Variants in USP46 observed in about 807,000 individuals in gnomAD.
USP46 encodes the protein ubiquitin carboxyl-terminal hydrolase 46.
A neutral mutation model predicts 44.4 loss-of-function variants in USP46; 12 were observed. The ratio of observed to expected loss-of-function variants is 0.27; its 90% CI spans 0.17 to 0.44. The LOEUF is 0.44. Ranked by LOEUF, USP46 falls within the 20% of genes least tolerant of loss-of-function variation. The pLI is 1.00. For missense variants in USP46, 248 were observed against 444.8 expected (o/e 0.56, Z 3.98); for synonymous variants, 155 against 161.5 (o/e 0.96, Z 0.31).
Position 52,621,034 on chromosome 4 carries a change from T to A in USP46, c.561+4984A>T, listed in dbSNP as rs549637790. ...AACACAAAGGATACATATTTATATGTATCAAAATATCAAAAACAAGCCAAA... is the reference window on the plus strand; with the variant it reads ...AACACAAAGGATACATATTTATATGAATCAAAATATCAAAAACAAGCCAAA... On this transcript the variant is annotated intron_variant, in intron 4 of 8. Coordinates refer to ENST00000441222, the MANE Select transcript of USP46 (RefSeq NM_022832.4). Among the ~76,000 whole-genome samples the A allele has an allele frequency of 4.6e-5, 7 of 152,320 alleles. No individual in the cohort carries two copies. In the South Asian group the frequency reaches 1.4e-3, roughly 32 times the overall value.
rs199503206 is a variant in USP46, at chr4:52,645,982, T to C, written c.36+13133A>G. On this transcript the variant is annotated intron_variant, in intron 1 of 8. Coordinates refer to ENST00000441222, the MANE Select transcript of USP46 (RefSeq NM_022832.4). ...TTCCCTACACCTTCTGCCATGATTT[T>C]AAGTTTCCTGAAGCCTCCCAGTCAT... 6.7e-3 allele frequency among the ~76,000 whole-genome samples: 1,028 copies of C among 152,310 alleles called. 8 individuals are homozygous for C. The highest frequency in any genetic ancestry group is 0.05 in the East Asian group (261 of 5,186).
In USP46 at chr4:52,638,228, C is replaced by T. The variant is rs563293724; in HGVS notation, c.37-7084G>A. Among the ~76,000 whole-genome samples, 23 of 152,160 alleles carry T rather than the reference C, an allele frequency of 1.5e-4. 1 individual carries two copies. In the South Asian group the frequency reaches 2.9e-3, roughly 19 times the overall value. On this transcript the variant is annotated intron_variant, in intron 1 of 8. Transcript: ENST00000441222. ...GAGGCAAGAAGGTCAGAATCAGTGACGGGACGTGACAACAGATGTAGAGGT... is the reference window on the plus strand; with the variant it reads ...GAGGCAAGAAGGTCAGAATCAGTGATGGGACGTGACAACAGATGTAGAGGT...
At chr4:52,617,018 A>G (rs908388728) in intron 4 of USP46, among the ~76,000 whole-genome samples, 9 of 152,222 alleles carry the variant, frequency 5.9e-5, no homozygotes, top group Non-Finnish European at 7.3e-5. Context: ...TATGCTAGTA[A>G]ACAAAAGGGA....
chr4:52,617,705 G>A (rs1717211862), intron 4 of USP46, among the ~76,000 whole-genome samples: 1 of 152,138 alleles, frequency 6.6e-6, no homozygotes, highest in African/African-American at 2.4e-5. Flanking sequence ...GTGTTGGTTT[G>A]GGGGTTCTGT....
At chr4:52,635,224 C>A (rs992475595) in intron 1 of USP46, among the ~76,000 whole-genome samples, 1 of 152,236 alleles carries the variant, frequency 6.6e-6, no homozygotes, top group Middle Eastern at 3.4e-3. Context: ...ATATGGATAA[C>A]GGATCCAGCT....
intron 3 of USP46, among the ~76,000 whole-genome samples, chr4:52,627,483 C>T (rs1442831010): frequency 6.6e-6 from 1 of 152,186 alleles, no homozygotes; most frequent in East Asian, 1.9e-4. Flanking sequence ...AATTTGATAT[C>T]CTTCAATTAC....
intron 1 of USP46, among the ~76,000 whole-genome samples, chr4:52,658,544 A>C (rs1212882504): frequency 1.3e-5 from 2 of 152,208 alleles, no homozygotes; most frequent in Non-Finnish European, 2.9e-5. Context: ...ATGCGGAGCA[A>C]ATTACGGTGC....
chr4:52,636,281 A>G (rs1447332087), intron 1 of USP46, among the ~76,000 whole-genome samples: 1 of 152,128 alleles, frequency 6.6e-6, no homozygotes, highest in Non-Finnish European at 1.5e-5. Context: ...GGAAACCAGG[A>G]AAGGCAAGGA....
chr4:52,632,990 A>AAAGAAAAGAAAAGAAAGAAAG, intron 1 of USP46, among the ~76,000 whole-genome samples: 56 of 66,150 alleles, frequency 8.5e-4, no homozygotes, highest in Admixed American at 1.1e-3. Flanking sequence ...GAAAGAAAAG[A>AAAGAAAAGAAAAGAAAGAAAG]AAAGAAAGAA....
At chr4:52,622,381 A>T (rs1717412905) in intron 4 of USP46, among the ~76,000 whole-genome samples, 2 of 152,236 alleles carry the variant, frequency 1.3e-5, no homozygotes, top group African/African-American at 4.8e-5. Flanking sequence ...TTCAAGACTT[A>T]CCAGTCTAGA....
At chr4:52,637,303 C>T (rs995669979) in intron 1 of USP46, among the ~76,000 whole-genome samples, 5 of 152,146 alleles carry the variant, frequency 3.3e-5, no homozygotes, top group African/African-American at 1.2e-4. Flanking sequence ...CAGGCAGGAA[C>T]CACTCACATG....
At chr4:52,607,491 G>A (rs528749069) in intron 5 of USP46, among the ~76,000 whole-genome samples, 1 of 152,276 alleles carries the variant, frequency 6.6e-6, no homozygotes, top group African/African-American at 2.4e-5. Flanking sequence ...AAAATTCTTT[G>A]TATTGCTTTA....
intron 1 of USP46, among the ~76,000 whole-genome samples, chr4:52,633,006 G>GAAAGA (rs1560406364): frequency 4.2e-5 from 5 of 118,986 alleles, no homozygotes; most frequent in South Asian, 2.6e-4. Context: ...AAGAAAGAAA[G>GAAAGA]AAAGAAAGAA....
chr4:52,621,992 A>G (rs1171275297), intron 4 of USP46, among the ~76,000 whole-genome samples: 1 of 152,256 alleles, frequency 6.6e-6, no homozygotes, highest in Non-Finnish European at 1.5e-5. Flanking sequence ...CTTTAATGAT[A>G]ATAGCAAGTT....
chr4:52,637,501 T>C (rs774462766), intron 1 of USP46, among the ~76,000 whole-genome samples: 2 of 152,244 alleles, frequency 1.3e-5, no homozygotes, highest in Non-Finnish European at 2.9e-5. Flanking sequence ...AAAAGAACAA[T>C]ACCCTCCTCT....
intron 1 of USP46, chr4:52,656,393 C>A (rs1212513055): frequency 2.6e-6 from 4 of 1,534,142 alleles, no homozygotes; most frequent in East Asian, 2.5e-5. Flanking sequence ...TCATACCCAG[C>A]CTTCTCCTCT....
chr4:52,601,806 G>C, intron 7 of USP46, 51 bp downstream of exon 7: 1 of 1,562,974 alleles, frequency 6.4e-7, no homozygotes, highest in Non-Finnish European at 8.7e-7. Context: ...CTTCAGCGAA[G>C]AGGCAACCCT....
chr4:52,624,340 T>G (rs1427367204), intron 4 of USP46, among the ~76,000 whole-genome samples: 1 of 152,182 alleles, frequency 6.6e-6, no homozygotes, highest in Non-Finnish European at 1.5e-5. Flanking sequence ...CATATTTATG[T>G]GCAGAAAGTG....
At chr4:52,658,162 ACAT>A (rs1417167499) in intron 1 of USP46, 1 of 454,302 alleles carries the variant, frequency 2.2e-6, no homozygotes, top group Non-Finnish European at 4.4e-6. Context: ...GGCAAAACAC[ACAT>A]CATCTCACCC....
Sources: allele counts gnomAD v4.1 joint callset (sites outside exome capture counted in the v4.1 genomes callset), GRCh38; gene constraint gnomAD v4.1.1; transcripts MANE v1.5; gene names NCBI Gene and HGNC (gene_info 2026-07-23, HGNC 2026-07-21).